GDAP1: variants seen among roughly 807,000 people sequenced by gnomAD.
The protein encoded by GDAP1 is ganglioside-induced differentiation-associated protein 1.
In GDAP1, 34 loss-of-function variants were observed where a neutral mutation model predicts 40.1. The ratio of observed to expected loss-of-function variants is 0.85; its 90% CI spans 0.64 to 1.13. The LOEUF is 1.13. GDAP1 is among the 50% of genes most tolerant of loss of function. The pLI, the probability that GDAP1 is intolerant of heterozygous loss-of-function variation, is 0.00. For missense variants in GDAP1, 374 were observed against 433.7 expected, an observed-to-expected ratio of 0.86 and a Z score of 1.22; for synonymous variants, 170 against 157.4, an observed-to-expected ratio of 1.08 and a Z score of -0.60.
chr8:74,377,498 A>G (rs1183517613), intron 2 of GDAP1, among the ~76,000 whole-genome samples: 1 of 152,226 alleles, frequency 6.6e-6, no homozygotes, highest in Admixed American at 6.5e-5. Flanking sequence ...TGGAAATCAA[A>G]TATGCCAATC....
In GDAP1 at chr8:74,448,945, T is replaced by C. The variant is rs144805688; in HGVS notation, c.166-39733T>C. On this transcript the variant is annotated intron_variant, in intron 2 of 2. Coordinates refer to the GDAP1 transcript ENST00000523640. ...AAAAAGTGTTCAGTGCTAATTTGCT[T>C]ACTGTGTTACTGTATTGTTTTCCTC... 5.0e-3 allele frequency among the ~76,000 whole-genome samples: 763 copies of C among 152,182 alleles called. 5 individuals are homozygous for C. The highest frequency in any genetic ancestry group is 0.018 in the African/African-American group (732 of 41,554).
intron 2 of GDAP1, among the ~76,000 whole-genome samples, chr8:74,455,516 G>T (rs560393369): frequency 3.3e-5 from 5 of 151,988 alleles, no homozygotes; most frequent in South Asian, 2.1e-4. Context: ...TTAGCATAAA[G>T]AATTTTCATT....
At chr8:74,426,911 C>G (rs986230906) in intron 2 of GDAP1, among the ~76,000 whole-genome samples, 1 of 152,146 alleles carries the variant, frequency 6.6e-6, no homozygotes, top group African/African-American at 2.4e-5. Flanking sequence ...GAACTCTATC[C>G]TGATGGCACT....
intron 2 of GDAP1, among the ~76,000 whole-genome samples, chr8:74,432,745 G>A (rs773950775): frequency 2.0e-5 from 3 of 152,234 alleles, no homozygotes; most frequent in East Asian, 3.9e-4. Flanking sequence ...CTAAAAATTC[G>A]CTTTATTGGA....
chr8:74,382,899 G>A (rs1809975736), intron 2 of GDAP1, among the ~76,000 whole-genome samples: 1 of 152,058 alleles, frequency 6.6e-6, no homozygotes, highest in South Asian at 2.1e-4. Context: ...CCTGTCAGGA[G>A]TTCTAAGCTT....
chr8:74,439,621 T>A (rs962593542), intron 2 of GDAP1, among the ~76,000 whole-genome samples: 7 of 152,128 alleles, frequency 4.6e-5, no homozygotes, highest in South Asian at 2.1e-4. Context: ...TTGTTTTTTT[T>A]AATTTCTAAT....
At chr8:74,402,250 G>T (rs1425991805) in intron 2 of GDAP1, among the ~76,000 whole-genome samples, 1 of 150,484 alleles carries the variant, frequency 6.6e-6, no homozygotes, top group Non-Finnish European at 1.5e-5. Flanking sequence ...AAGCAAGCCT[G>T]GGCAATGGCG....
intron 2 of GDAP1, among the ~76,000 whole-genome samples, chr8:74,359,732 A>G (rs1266464691): frequency 6.6e-6 from 1 of 152,208 alleles, no homozygotes; most frequent in Non-Finnish European, 1.5e-5. Context: ...TGGGGAAAAA[A>G]GATGCAATGA....
intron 2 of GDAP1, among the ~76,000 whole-genome samples, chr8:74,457,683 A>G (rs985101652): frequency 6.6e-6 from 1 of 152,184 alleles, no homozygotes; most frequent in Non-Finnish European, 1.5e-5. Flanking sequence ...GAACATTTAA[A>G]GAATTTCATA....
chr8:74,478,815 C>T (rs1203565399), intron 2 of GDAP1, among the ~76,000 whole-genome samples: 2 of 152,140 alleles, frequency 1.3e-5, no homozygotes, highest in Admixed American at 6.5e-5. Context: ...GGGGTCTCCT[C>T]CTGCCAGGAT....
intron 2 of GDAP1, among the ~76,000 whole-genome samples, chr8:74,460,151 GC>G (rs1376055665): frequency 3.9e-5 from 6 of 152,180 alleles, no homozygotes; most frequent in Non-Finnish European, 8.8e-5. Flanking sequence ...TCATTGCACT[GC>G]TATAGATGTG....
downstream of GDAP1, among the ~76,000 whole-genome samples, chr8:74,368,215 A>C (rs1301853287): frequency 6.6e-6 from 1 of 152,198 alleles, no homozygotes; most frequent in Non-Finnish European, 1.5e-5. Context: ...ATTCATATCC[A>C]TATATGTAAA....
rs1312940849 is a variant in GDAP1, at chr8:74,366,219, C to T, written c.*1852C>T. On this transcript the variant is annotated 3_prime_UTR_variant, in exon 6 of 6. Transcript: ENST00000220822. ...AATACGTTAAAGATAGTGGCAATTT[C>T]ATATATTTCATGGATACTTGAGTTT... 9 of 453,934 alleles carry T rather than the reference C, an allele frequency of 2.0e-5. No individual in the cohort carries two copies. Among genetic ancestry groups the T allele is most frequent in the African/African-American group, 1.8e-4 (9 of 49,970 alleles). 28.1% of individuals were successfully genotyped at this position (453,934 alleles called of 1,614,324 possible).
At chr8:74,424,562 C>T (rs1033732856) in intron 2 of GDAP1, among the ~76,000 whole-genome samples, 1 of 152,218 alleles carries the variant, frequency 6.6e-6, no homozygotes, top group African/African-American at 2.4e-5. Flanking sequence ...TGATTATTCA[C>T]ACTGCCCCTT....
chr8:74,357,077 G>T (rs555571583), intron 2 of GDAP1, among the ~76,000 whole-genome samples: 4 of 152,210 alleles, frequency 2.6e-5, no homozygotes, highest in Non-Finnish European at 5.9e-5. Context: ...ATATTATTCA[G>T]CTGTATTATG....
chr8:74,466,392 A>T (rs975722628), intron 2 of GDAP1, among the ~76,000 whole-genome samples: 5 of 152,196 alleles, frequency 3.3e-5, no homozygotes, highest in Non-Finnish European at 5.9e-5. Flanking sequence ...TTTGTGGAGA[A>T]AAAAACTGAA....
chr8:74,454,606 C>T (rs1563473881), intron 2 of GDAP1, among the ~76,000 whole-genome samples: 1 of 83,262 alleles, frequency 1.2e-5, no homozygotes, highest in Non-Finnish European at 2.4e-5. Context: ...TCCAAATAAA[C>T]TCAAGGGTAA....
intron 2 of GDAP1, among the ~76,000 whole-genome samples, chr8:74,446,309 G>T (rs1806225916): frequency 6.6e-6 from 1 of 152,052 alleles, no homozygotes; most frequent in African/African-American, 2.4e-5. Flanking sequence ...TAAAGCAACA[G>T]AAAAAATCCT....
At position 74,439,231 on chromosome 8, in the gene GDAP1, A is replaced by T. The variant is rs11785524; in HGVS notation, c.166-49447A>T. On this transcript the variant is annotated intron_variant, in intron 2 of 2. Coordinates refer to the GDAP1 transcript ENST00000523640. ...ACATATATATACATGTTATATATATATGTGTGTGTGTATATACACATATTA... is the reference window on the plus strand; with the variant it reads ...ACATATATATACATGTTATATATATTTGTGTGTGTGTATATACACATATTA... 1.3e-5 allele frequency among the ~76,000 whole-genome samples: 2 copies of T among 151,850 alleles called. 1 individual carries two copies. Among genetic ancestry groups the T allele is most frequent in the East Asian group, 3.9e-4 (2 of 5,186 alleles).
Sources: gnomAD v4.1 joint callset for allele counts (sites outside exome capture counted in the v4.1 genomes callset) on GRCh38, gnomAD v4.1.1 for gene constraint, MANE v1.5 for transcripts, NCBI Gene and HGNC (gene_info 2026-07-23, HGNC 2026-07-21) for gene names.